The following PPP4R3A variants were observed in gnomAD, a reference collection of about 807,000 sequenced individuals.
PPP4R3A encodes protein phosphatase 4 regulatory subunit 3A, also known as serine/threonine-protein phosphatase 4 regulatory subunit 3A.
PPP4R3A carries 15 observed loss-of-function variants against 91.7 expected under a neutral mutation model. That is an observed-to-expected ratio of 0.16 (90% CI 0.11 to 0.25). PPP4R3A has a LOEUF of 0.25. Ranked by LOEUF, PPP4R3A falls within the 10% of genes least tolerant of loss-of-function variation. The probability of loss-of-function intolerance (pLI) is 1.00; values close to 1 mark genes in which losing one functional copy is unlikely to be tolerated. For missense variants in PPP4R3A, 623 were observed against 998.4 expected, an observed-to-expected ratio of 0.62 and a Z score of 5.07; for synonymous variants, 377 against 348.7, an observed-to-expected ratio of 1.08 and a Z score of -0.91.
rs994365087 is a variant in PPP4R3A at position 91,473,216 on chromosome 14, G to A, written c.1398+23C>T. On this transcript the variant is annotated intron_variant, in intron 8 of 14. Transcript: ENST00000554943. ...TACACAATATACTAGCTATGAAAAA[G>A]AGGGGAAATGCTCATGGCTTACATT... 6 of 1,612,330 alleles carry A rather than the reference G, an allele frequency of 3.7e-6. No homozygotes were observed. In the Admixed American group the frequency reaches 1.0e-4, roughly 27 times the overall value.
chr14:91,463,480 T>C (rs1888286843), intron 11 of PPP4R3A, among the ~76,000 whole-genome samples: 1 of 151,970 alleles, frequency 6.6e-6, no homozygotes, highest in African/African-American at 2.4e-5. Flanking sequence ...GGCACCTAGG[T>C]TGAGATATAG....
intron 1 of PPP4R3A, among the ~76,000 whole-genome samples, chr14:91,509,266 C>T (rs985129594): frequency 2.0e-5 from 3 of 152,194 alleles, no homozygotes; most frequent in African/African-American, 4.8e-5. Context: ...AGCTCAAACA[C>T]GCTTGGCTCT....
chr14:91,487,662 T>C (rs1239441584), intron 2 of PPP4R3A, among the ~76,000 whole-genome samples: 3 of 152,204 alleles, frequency 2.0e-5, no homozygotes, highest in Admixed American at 2.0e-4. Flanking sequence ...TAAGGACCTA[T>C]GATTCTATTG....
intron 1 of PPP4R3A, among the ~76,000 whole-genome samples, chr14:91,491,636 A>C (rs1595078641): frequency 6.6e-6 from 1 of 151,286 alleles, no homozygotes; most frequent in Admixed American, 6.6e-5. Flanking sequence ...CAATCTCTTG[A>C]CCTCGTGATC....
intron 3 of PPP4R3A, among the ~76,000 whole-genome samples, chr14:91,483,113 A>AT (rs954785972): frequency 6.6e-5 from 10 of 151,998 alleles, no homozygotes; most frequent in East Asian, 3.8e-4. Flanking sequence ...AAAGTAAGGC[A>AT]TTTTTTTTGG....
intron 7 of PPP4R3A, 50 bp downstream of exon 7, chr14:91,475,761 T>G (rs1289118725): frequency 6.6e-7 from 1 of 1,511,686 alleles, no homozygotes; most frequent in African/African-American, 1.4e-5. Context: ...ATAAAAACAG[T>G]TATAGCTTCC....
Position 91,509,448 on chromosome 14 carries a change from G to A in PPP4R3A, c.142+58C>T, listed in dbSNP as rs997241286. On this transcript the variant is annotated intron_variant, in intron 1 of 14. Transcript: ENST00000554943. ...GAGCGCCATGCCCCGCAAGAACCAG[G>A]GAGGCGGCCCAGGGCCGTGGGGGCT... 7.8e-6 allele frequency: 12 copies of A among 1,537,440 alleles called. No individual in the cohort carries two copies. The East Asian group carries it at 2.4e-4, about 31-fold the overall frequency.
In PPP4R3A at chr14:91,462,111, T is replaced by G; in HGVS notation, c.2102A>C (p.Asp701Ala). Residue 701 changes from aspartate to alanine, a missense_variant, in exon 13 of 15, where the codon GAC becomes GCC. Coordinates refer to ENST00000554943, the MANE Select transcript of PPP4R3A (RefSeq NM_001366432.2). ...AATATCATCATCATTTTTAGTTTTG[T>G]CAGATGGAGACACTACAGCTTCTCC... ...EDGEAVVSPS[D>A]KTKNDDDIMD... 7 of 1,573,946 alleles carry G rather than the reference T, an allele frequency of 4.4e-6. No homozygotes were observed. The highest frequency in any genetic ancestry group is 6.0e-6 in the Non-Finnish European group (7 of 1,164,716).
rs779631779 is a variant in PPP4R3A at position 91,509,703 on chromosome 14, C to G, written c.-56G>C. On this transcript the variant is annotated 5_prime_UTR_variant, in exon 1 of 15. Coordinates refer to ENST00000554943, the MANE Select transcript of PPP4R3A (RefSeq NM_001366432.2). The stretch of plus-strand genomic sequence containing the variant: ...CGCCAGTAGACGCCCAGGAAAGGGG[C>G]CCTGGAGAGGCGAGGGGCGAGGCGT... 3 of 1,561,588 alleles carry G rather than the reference C, an allele frequency of 1.9e-6. No homozygotes were observed. The South Asian group carries it at 3.4e-5, about 18-fold the overall frequency.
At chr14:91,472,991 T>G in intron 9 of PPP4R3A, 42 bp downstream of exon 9, 1 of 1,582,186 alleles carries the variant, frequency 6.3e-7, no homozygotes, top group Non-Finnish European at 8.6e-7. Context: ...GAATTCAGCA[T>G]TCAAGAACAG....
chr14:91,493,153 C>T (rs1184028965), intron 1 of PPP4R3A, among the ~76,000 whole-genome samples: 1 of 151,796 alleles, frequency 6.6e-6, no homozygotes, highest in Non-Finnish European at 1.5e-5. Context: ...TTTTGGAAGG[C>T]TGAGGTGGGC....
In PPP4R3A at chr14:91,462,848, T is replaced by C; in HGVS notation, c.1860A>G (p.Val620=). The C allele has an allele frequency of 1.9e-6, 3 of 1,600,638 alleles. No individual in the cohort carries two copies. The highest frequency in any genetic ancestry group is 2.2e-5 in the South Asian group (2 of 90,674). The part of the protein sequence containing the change: ...VEDIKSLTAH[V]IENYWKALED... ...CCAGTGCTTTCCAGTAATTTTCAAT[T>C]ACATGAGCAGTTAATGATTTTATAT... Residue 620 remains valine, a synonymous_variant, in exon 12 of 15, where the codon GTA becomes GTG. Transcript: ENST00000554943.
chr14:91,463,094 T>C (rs1200519193), intron 11 of PPP4R3A, among the ~76,000 whole-genome samples: 1 of 152,100 alleles, frequency 6.6e-6, no homozygotes, highest in African/African-American at 2.4e-5. Context: ...AGATGGAGTT[T>C]TGCTCTTACT....
At chr14:91,461,139 T>TA (rs1888127665) in intron 14 of PPP4R3A, among the ~76,000 whole-genome samples, 1 of 152,186 alleles carries the variant, frequency 6.6e-6, no homozygotes, top group African/African-American at 2.4e-5. Context: ...GTTTCAGTTC[T>TA]AAAATCCAAA....
Position 91,458,540 on chromosome 14 carries a change from G to C in PPP4R3A, c.*219C>G. Reference sequence around the variant, plus strand: ...GAGAAAAGGGCAATGTGTGGTCCAAGCTGGAGAGCTCAAAGGCTTAAGTCT... The same window carrying C: ...GAGAAAAGGGCAATGTGTGGTCCAACCTGGAGAGCTCAAAGGCTTAAGTCT... On this transcript the variant is annotated 3_prime_UTR_variant, in exon 15 of 15. Transcript: ENST00000554943. The C allele has an allele frequency of 1.5e-6, 1 of 665,560 alleles. No individual in the cohort carries two copies. Among genetic ancestry groups the C allele is most frequent in the Non-Finnish European group, 2.7e-6 (1 of 374,926 alleles). The allele number at this position is 665,560 out of a possible 1,614,324, so 41.2% of individuals were successfully genotyped here.
Position 91,457,788 on chromosome 14 carries a change from A to T in PPP4R3A, c.*971T>A, listed in dbSNP as rs902869993. The T allele has an allele frequency of 6.6e-6, 1 of 152,642 alleles. No homozygotes were observed. Among genetic ancestry groups the T allele is most frequent in the Non-Finnish European group, 1.5e-5 (1 of 68,024 alleles). The allele number at this position is 152,642 out of a possible 1,614,324, so 9.5% of individuals were successfully genotyped here. A position where few individuals can be genotyped will look rare whatever the true frequency, so the allele number is the denominator to read the frequency against. ...CAAAACTGTTGAAGTTTTAAATTCC[A>T]TTCTATTTCCCTGAATTCTCAAGAC... is the stretch of plus-strand genomic sequence containing the variant. On this transcript the variant is annotated 3_prime_UTR_variant, in exon 15 of 15. Coordinates refer to ENST00000554943, the MANE Select transcript of PPP4R3A (RefSeq NM_001366432.2).
intron 10 of PPP4R3A, among the ~76,000 whole-genome samples, chr14:91,467,942 T>C (rs1280072248): frequency 6.6e-6 from 1 of 152,226 alleles, no homozygotes; most frequent in Admixed American, 6.5e-5. Context: ...GTACACTTTT[T>C]TTCAGAAGAA....
At chr14:91,484,613 G>GT (rs1889776119) in intron 3 of PPP4R3A, among the ~76,000 whole-genome samples, 1 of 152,080 alleles carries the variant, frequency 6.6e-6, no homozygotes, top group African/African-American at 2.4e-5. Context: ...TCCTAAGAAA[G>GT]GATTTTAAAA....
intron 11 of PPP4R3A, 53 bp from the exon 12 acceptor site, chr14:91,462,930 G>A: frequency 2.1e-6 from 3 of 1,398,372 alleles, no homozygotes; most frequent in South Asian, 1.2e-5. Context: ...ATTTTAGCAA[G>A]ATGAGGCTTA....
Sources: gnomAD v4.1 joint callset for allele counts (sites outside exome capture counted in the v4.1 genomes callset) on GRCh38, gnomAD v4.1.1 for gene constraint, MANE v1.5 for transcripts, NCBI Gene and HGNC (gene_info 2026-07-23, HGNC 2026-07-21) for gene names.